Variants in PTPRN2 observed in about 807,000 individuals in gnomAD.
PTPRN2 encodes the protein receptor-type tyrosine-protein phosphatase N2.
A neutral mutation model predicts 118.8 loss-of-function variants in PTPRN2; 74 were observed. That is an observed-to-expected ratio of 0.62 (90% CI 0.52 to 0.76). The LOEUF (loss-of-function observed/expected upper bound fraction) is 0.76. PTPRN2 is among the 30% of genes least tolerant of loss of function. The pLI is 0.00. For synonymous variants in PTPRN2, 641 were observed against 608.0 expected (o/e 1.05, Z -0.80); for missense variants, 1,481 against 1,394.4 (o/e 1.06, Z -0.99).
chr7:158,172,390 A>C (rs926139686), intron 5 of PTPRN2, among the ~76,000 whole-genome samples: 1 of 152,154 alleles, frequency 6.6e-6, no homozygotes, highest in Non-Finnish European at 1.5e-5. Flanking sequence ...CAGTATCATT[A>C]TCACCATTAG....
chr7:157,992,665 G>C (rs1182337231), intron 11 of PTPRN2, among the ~76,000 whole-genome samples: 1 of 152,214 alleles, frequency 6.6e-6, no homozygotes, highest in Non-Finnish European at 1.5e-5. Context: ...GAGGGGTTGG[G>C]GTGGCCCAAC....
chr7:157,608,836 C>T (rs1802160025), intron 15 of PTPRN2, among the ~76,000 whole-genome samples: 1 of 152,154 alleles, frequency 6.6e-6, no homozygotes, highest in Non-Finnish European at 1.5e-5. Context: ...GGAGGCAACA[C>T]AGAGCAATGG....
At chr7:157,758,422 GGCCACACA>G (rs771673119) in intron 12 of PTPRN2, among the ~76,000 whole-genome samples, 167 of 152,338 alleles carry the variant, frequency 1.1e-3, no homozygotes, top group Non-Finnish European at 1.9e-3. Context: ...GGTGGCACGA[GGCCACACA>G]GCTGGTCAGC....
chr7:157,842,737 C>T (rs925717924), intron 12 of PTPRN2, among the ~76,000 whole-genome samples: 16 of 152,256 alleles, frequency 1.1e-4, no homozygotes, highest in African/African-American at 3.4e-4. Context: ...GTGCCCCTGT[C>T]TCCGCCACAG....
At chr7:158,267,022 G>T (rs920718637) in intron 3 of PTPRN2, among the ~76,000 whole-genome samples, 1 of 152,226 alleles carries the variant, frequency 6.6e-6, no homozygotes, top group Non-Finnish European at 1.5e-5. Context: ...CGGGGAAGCT[G>T]CAGGGGAGGT....
chr7:157,549,831 C>T (rs935787572), intron 21 of PTPRN2, among the ~76,000 whole-genome samples: 2 of 152,170 alleles, frequency 1.3e-5, no homozygotes, highest in African/African-American at 4.8e-5. Context: ...GGATGAGGAG[C>T]AGGAGGCAGC....
intron 21 of PTPRN2, among the ~76,000 whole-genome samples, chr7:157,566,647 C>T (rs961579179): frequency 6.6e-6 from 1 of 152,214 alleles, no homozygotes; most frequent in Non-Finnish European, 1.5e-5. Flanking sequence ...TGGCTGCATG[C>T]GTATTGTCCA....
intron 12 of PTPRN2, among the ~76,000 whole-genome samples, chr7:157,746,398 G>A (rs556915394): frequency 8.2e-5 from 9 of 110,288 alleles, no homozygotes; most frequent in East Asian, 3.1e-4. Flanking sequence ...GGGACTCCCC[G>A]CACCCCACAG....
At chr7:158,345,251 G>A (rs1297919086) in intron 2 of PTPRN2, among the ~76,000 whole-genome samples, 1 of 152,230 alleles carries the variant, frequency 6.6e-6, no homozygotes, top group Admixed American at 6.5e-5. Context: ...TTAACAAGGA[G>A]AGAAAACCTA....
At chr7:158,247,485 CA>C (rs1796334848) in intron 3 of PTPRN2, among the ~76,000 whole-genome samples, 3 of 152,332 alleles carry the variant, frequency 2.0e-5, no homozygotes, top group Middle Eastern at 3.4e-3. Context: ...CCACCACGCC[CA>C]TGTCCACGGC....
rs943956503 is a variant in PTPRN2, at chr7:157,646,063, A to C, written c.2196+10294T>G. Among the ~76,000 whole-genome samples the C allele has an allele frequency of 3.9e-5, 6 of 152,192 alleles. No homozygotes were observed. The South Asian group carries it at 6.2e-4, about 16-fold the overall frequency. On this transcript the variant is annotated intron_variant, in intron 14 of 22. Coordinates refer to ENST00000389418, the MANE Select transcript of PTPRN2 (RefSeq NM_002847.5). ...AGTGGAGCCTGTACCCCAAAACCCCAAAGTAGCAGAACCAGGGATCCTGCT... is the reference window on the plus strand; with the variant it reads ...AGTGGAGCCTGTACCCCAAAACCCCCAAGTAGCAGAACCAGGGATCCTGCT...
intron 11 of PTPRN2, among the ~76,000 whole-genome samples, chr7:157,981,563 T>A (rs1280617485): frequency 6.6e-6 from 1 of 151,424 alleles, no homozygotes; most frequent in African/African-American, 2.4e-5. Flanking sequence ...ATTCAGTTAA[T>A]TTAACAGGGA....
intron 2 of PTPRN2, among the ~76,000 whole-genome samples, chr7:158,337,803 G>C (rs376614731): frequency 0.042 from 125 of 2,946 alleles, 15 homozygotes; most frequent in Middle Eastern, 0.17. Context: ...ACCATAAGAG[G>C]TGACGCCCAT....
chr7:158,442,823 T>G (rs867217408), intron 2 of PTPRN2, among the ~76,000 whole-genome samples: 6 of 152,344 alleles, frequency 3.9e-5, no homozygotes, highest in Middle Eastern at 3.4e-3. Context: ...TTTCCTTTTT[T>G]GTCAGAAAAT....
chr7:157,626,216 C>T (rs1803560916), intron 14 of PTPRN2, among the ~76,000 whole-genome samples: 1 of 152,142 alleles, frequency 6.6e-6, no homozygotes, highest in Admixed American at 6.5e-5. Flanking sequence ...CATCGCTTCC[C>T]CTTTCCAGTT....
intron 10 of PTPRN2, among the ~76,000 whole-genome samples, chr7:158,081,691 AGTT>A (rs1646884103): frequency 6.6e-6 from 1 of 152,214 alleles, no homozygotes; most frequent in South Asian, 2.1e-4. Context: ...GAAAAAGAAA[AGTT>A]GTTATTGAAA....
At chr7:158,384,895 A>G (rs1292428512) in intron 2 of PTPRN2, among the ~76,000 whole-genome samples, 2 of 152,202 alleles carry the variant, frequency 1.3e-5, no homozygotes, top group African/African-American at 4.8e-5. Flanking sequence ...CATGTGGGCT[A>G]TGCGCATCAG....
At chr7:158,327,150 C>T (rs1287258080) in intron 2 of PTPRN2, among the ~76,000 whole-genome samples, 3 of 134,848 alleles carry the variant, frequency 2.2e-5, no homozygotes, top group Non-Finnish European at 3.2e-5. Flanking sequence ...TATCCACACA[C>T]GTGCACACAT....
chr7:157,940,472 T>C (rs1374936606), intron 11 of PTPRN2, among the ~76,000 whole-genome samples: 1 of 151,262 alleles, frequency 6.6e-6, no homozygotes, highest in Non-Finnish European at 1.5e-5. Flanking sequence ...TCTAATGCCC[T>C]CTCCTGTGAC....
Sources: gnomAD v4.1 joint callset for allele counts (sites outside exome capture counted in the v4.1 genomes callset) on GRCh38, gnomAD v4.1.1 for gene constraint, MANE v1.5 for transcripts, NCBI Gene and HGNC (gene_info 2026-07-23, HGNC 2026-07-21) for gene names.